Variants in PHACTR3 observed in about 807,000 individuals in gnomAD.
PHACTR3 encodes protein phosphatase 1, regulatory subunit 123.
Under a neutral mutation model 66.8 loss-of-function variants are expected in PHACTR3, and 16 were observed. The observed-to-expected ratio is 0.24, with a 90% CI of 0.16 to 0.36. PHACTR3 has a LOEUF of 0.36. PHACTR3 is among the 10% of genes least tolerant of loss of function. PHACTR3 has a pLI of 1.00. For synonymous variants in PHACTR3, 323 were observed against 292.1 expected (o/e 1.11, Z -1.08); for missense variants, 647 against 719.9 (o/e 0.90, Z 1.16).
chr20:59,587,182 G>T (rs181808137), intron 1 of PHACTR3, among the ~76,000 whole-genome samples: 1 of 152,350 alleles, frequency 6.6e-6, no homozygotes, highest in East Asian at 1.9e-4. Flanking sequence ...ACACTGGGAT[G>T]GTTCTCTCCA....
intron 1 of PHACTR3, among the ~76,000 whole-genome samples, chr20:59,712,628 C>T (rs139222200): frequency 1.3e-5 from 2 of 152,314 alleles, no homozygotes; most frequent in South Asian, 4.1e-4. Context: ...CATAGCCCAT[C>T]ATAGCATTGG....
chr20:59,841,942 T>C (rs531416818), intron 11 of PHACTR3, among the ~76,000 whole-genome samples: 5 of 152,230 alleles, frequency 3.3e-5, no homozygotes, highest in African/African-American at 1.2e-4. Flanking sequence ...AAGGCTGCCA[T>C]AAGAGATCAA....
rs570430092 is a variant in PHACTR3 at position 59,744,418 on chromosome 20, G to A, written c.280+1150G>A. Among the ~76,000 whole-genome samples the A allele has an allele frequency of 7.2e-5, 11 of 152,342 alleles. No homozygotes were observed. In the South Asian group the frequency reaches 1.9e-3, roughly 26 times the overall value. ...TGTGAGCCACACCTAAAAACAATTAGTGAGGGAGCTGCTGCTGTGGAATCA... is the reference window on the plus strand; with the variant it reads ...TGTGAGCCACACCTAAAAACAATTAATGAGGGAGCTGCTGCTGTGGAATCA... On this transcript the variant is annotated intron_variant, in intron 2 of 12. Coordinates refer to ENST00000371015, the MANE Select transcript of PHACTR3 (RefSeq NM_080672.5).
chr20:59,745,834 C>T (rs1276709152), intron 2 of PHACTR3, among the ~76,000 whole-genome samples: 1 of 152,222 alleles, frequency 6.6e-6, no homozygotes, highest in East Asian at 1.9e-4. Context: ...CACTGACGTC[C>T]CCATCCCCGA....
chr20:59,731,731 T>G (rs2038772349), intron 1 of PHACTR3, among the ~76,000 whole-genome samples: 1 of 152,180 alleles, frequency 6.6e-6, no homozygotes, highest in Non-Finnish European at 1.5e-5. Context: ...TCATCAATGA[T>G]GCCCATTTAT....
At chr20:59,726,432 C>G (rs2038563050) in intron 1 of PHACTR3, among the ~76,000 whole-genome samples, 1 of 152,162 alleles carries the variant, frequency 6.6e-6, no homozygotes. Context: ...CCCCATGACA[C>G]TGGGCCTCCT....
intron 8 of PHACTR3, among the ~76,000 whole-genome samples, chr20:59,814,397 A>G (rs1333783635): frequency 2.0e-5 from 3 of 152,162 alleles, no homozygotes; most frequent in Admixed American, 6.5e-5. Context: ...GAATCCAGGA[A>G]GAAGGCAGGC....
At chr20:59,644,534 G>C (rs989026927) in intron 1 of PHACTR3, among the ~76,000 whole-genome samples, 2 of 152,190 alleles carry the variant, frequency 1.3e-5, no homozygotes, top group Non-Finnish European at 2.9e-5. Flanking sequence ...TGGGACTCCA[G>C]GGTCTAGCAC....
At position 59,841,542 on chromosome 20, in the gene PHACTR3, A is replaced by G. The variant is rs367923213; in HGVS notation, c.1587+7A>G. 2.3e-3 allele frequency: 3,722 copies of G among 1,610,652 alleles called. 8 individuals carry two copies. Among genetic ancestry groups the G allele is most frequent in the Middle Eastern group, 4.1e-3 (25 of 6,034 alleles). On this transcript the variant is annotated splice_region_variant and intron_variant, in intron 11 of 12. Transcript: ENST00000371015. ...ACTGTCAGCAGCAGATAAGGTACCT[A>G]ACTGCCTGTGCTGGTGGGGGGTGTT...
rs564536593 is a variant in PHACTR3 at position 59,726,442 on chromosome 20, T to C, written c.119-16665T>C. Among the ~76,000 whole-genome samples the C allele has an allele frequency of 2.0e-5, 3 of 152,234 alleles. No homozygotes were observed. In the East Asian group the frequency reaches 5.8e-4, roughly 29 times the overall value. On this transcript the variant is annotated intron_variant, in intron 1 of 12. Transcript: ENST00000371015. ...TTATTCCCCATGACACTGGGCCTCC[T>C]CGCCACCAGGTCAAGCCAGACTCAA...
Position 59,841,473 on chromosome 20 carries a change from AAAGCGCAGGACTAT to A in PHACTR3, c.1526_1539del (p.Lys509ArgfsTer16). 6.2e-7 allele frequency: 1 copy of A among 1,613,774 alleles called. No homozygotes were observed. The highest frequency in any genetic ancestry group is 8.5e-7 in the Non-Finnish European group (1 of 1,179,784). Reference sequence around the variant, plus strand: ...ATTCAGTGATTACGTGGAAGTAGCAAAAGCGCAGGACTATGACAGGAGGGCAGACAAACCCTGGA... The same window carrying A: ...ATTCAGTGATTACGTGGAAGTAGCAAGACAGGAGGGCAGACAAACCCTGGA... On this transcript the variant is annotated frameshift_variant, in exon 11 of 13. Transcript: ENST00000371015. LOFTEE classifies it high-confidence loss of function.
intron 1 of PHACTR3, among the ~76,000 whole-genome samples, chr20:59,656,524 G>T (rs2035626404): frequency 6.6e-6 from 1 of 151,808 alleles, no homozygotes; most frequent in Admixed American, 6.6e-5. Flanking sequence ...CAAACTGTTT[G>T]TATCTTTGAA....
At chr20:59,823,957 G>T (rs1474491260) in intron 8 of PHACTR3, among the ~76,000 whole-genome samples, 1 of 152,256 alleles carries the variant, frequency 6.6e-6, no homozygotes, top group African/African-American at 2.4e-5. Flanking sequence ...GCACAGCTCA[G>T]CTGGTGTGGC....
intron 7 of PHACTR3, among the ~76,000 whole-genome samples, chr20:59,778,317 C>A (rs2040605275): frequency 6.6e-6 from 1 of 152,174 alleles, no homozygotes; most frequent in Non-Finnish European, 1.5e-5. Flanking sequence ...TCCCTAGTGC[C>A]TGTGGCCCCA....
intron 4 of PHACTR3, among the ~76,000 whole-genome samples, chr20:59,756,406 C>T (rs1356420013): frequency 1.3e-5 from 2 of 152,198 alleles, no homozygotes; most frequent in Middle Eastern, 3.2e-3. Context: ...CCTGGTCCTC[C>T]GTGCCCGGGA....
At chr20:59,773,574 T>TTGTTCAGAAAGTGA in intron 6 of PHACTR3, 121 bp downstream of exon 6, 1 of 1,062,442 alleles carries the variant, frequency 9.4e-7, no homozygotes, top group Non-Finnish European at 1.3e-6. Flanking sequence ...ACAGTCACTT[T>TTGTTCAGAAAGTGA]CTGAACAAGG....
rs538462334 is a variant in PHACTR3 at position 59,652,442 on chromosome 20, TCAGGAGGCTGAGG to T, written c.118+47318_118+47330del. On this transcript the variant is annotated intron_variant, in intron 1 of 12. Transcript: ENST00000371015. ...CACACTTGTCTGTAGTGCCAGCTACTCAGGAGGCTGAGGCAGGAGGATCCATTGAGCCCTAAAG... is the reference window on the plus strand; with the variant it reads ...CACACTTGTCTGTAGTGCCAGCTACTCAGGAGGATCCATTGAGCCCTAAAG... 5.9e-5 allele frequency among the ~76,000 whole-genome samples: 9 copies of T among 152,262 alleles called. No individual in the cohort carries two copies. In the South Asian group the frequency reaches 1.9e-3, roughly 32 times the overall value.
At chr20:59,810,406 A>G (rs1325388577) in intron 8 of PHACTR3, among the ~76,000 whole-genome samples, 1 of 152,274 alleles carries the variant, frequency 6.6e-6, no homozygotes, top group Non-Finnish European at 1.5e-5. Context: ...GACACAGAGA[A>G]AACAGCAGCG....
intron 7 of PHACTR3, among the ~76,000 whole-genome samples, chr20:59,797,132 T>TA (rs1435443647): frequency 6.6e-6 from 1 of 152,146 alleles, no homozygotes; most frequent in Non-Finnish European, 1.5e-5. Context: ...GCTCTCAATT[T>TA]AAAAAAATTA....
Sources: gnomAD v4.1 joint callset for allele counts (sites outside exome capture counted in the v4.1 genomes callset) on GRCh38, gnomAD v4.1.1 for gene constraint, MANE v1.5 for transcripts, NCBI Gene and HGNC (gene_info 2026-07-23, HGNC 2026-07-21) for gene names.